DLG3: variants seen among roughly 807,000 people sequenced by gnomAD.
The protein encoded by DLG3 is disks large homolog 3.
DLG3 carries 1 observed loss-of-function variant against 64.1 expected under a neutral mutation model. That is an observed-to-expected ratio of 0.02 (90% confidence interval 0.01 to 0.07). The LOEUF (loss-of-function observed/expected upper bound fraction) is 0.07. Ranked by LOEUF, DLG3 falls within the 10% of genes least tolerant of loss-of-function variation. DLG3 has a pLI of 1.00. For missense variants in DLG3, 429 were observed against 669.5 expected, an observed-to-expected ratio of 0.64 and a Z score of 3.96; for synonymous variants, 245 against 259.8, an observed-to-expected ratio of 0.94 and a Z score of 0.55.
chrX:70,503,685 G>C lies in DLG3; in HGVS notation c.*1416G>C, dbSNP rs1176806894. 2 of 111,614 alleles carry C rather than the reference G, an allele frequency of 1.8e-5. No individual in the cohort carries two copies. The highest frequency in any genetic ancestry group is 1.9e-4 in the Admixed American group (2 of 10,502). 9.2% of individuals were successfully genotyped at this position (111,614 alleles called of 1,213,427 possible). On this transcript the variant is annotated 3_prime_UTR_variant, in exon 19 of 19. Coordinates refer to ENST00000374360, the MANE Select transcript of DLG3 (RefSeq NM_021120.4). ...TTATGGTTTCTTCAAGAGGAAAGTA[G>C]ACTTTATGCTGTACATTTGAGCTGT... is the stretch of plus-strand genomic sequence containing the variant.
chrX:70,466,531 C>T (rs1453285273), intron 9 of DLG3, among the ~76,000 whole-genome samples: 2 of 106,886 alleles, frequency 1.9e-5, no homozygotes, highest in East Asian at 2.9e-4. Context: ...CTTCGCTTCC[C>T]AGGTTCAAGC....
At chrX:70,448,456 C>G (rs1461143337) in intron 1 of DLG3, 2 of 551,139 alleles carry the variant, frequency 3.6e-6, no homozygotes, top group African/African-American at 4.7e-5. Flanking sequence ...CTATGATCCC[C>G]CAGTCAGGGA....
intron 10 of DLG3, 102 bp downstream of exon 10, chrX:70,479,366 CCAGTT>C: frequency 1.6e-6 from 1 of 634,830 alleles, no homozygotes. Flanking sequence ...GTATGTACTC[CCAGTT>C]CTAAAATAAC....
chrX:70,452,554 C>A, intron 7 of DLG3: 24 of 1,164,771 alleles, frequency 2.1e-5, no homozygotes, highest in Non-Finnish European at 2.8e-5. Flanking sequence ...GGGTGGGGCC[C>A]GAGAGGCTGG....
At chrX:70,452,547 T>C in intron 7 of DLG3, 1 of 1,161,790 alleles carries the variant, frequency 8.6e-7, no homozygotes, top group Non-Finnish European at 1.1e-6. Flanking sequence ...GTTTGCAGGG[T>C]GGGGCCCGAG....
chrX:70,462,195 C>G (rs937937725), intron 9 of DLG3, among the ~76,000 whole-genome samples: 5 of 104,836 alleles, frequency 4.8e-5, no homozygotes, highest in Non-Finnish European at 7.8e-5. Flanking sequence ...TTTCAAGATT[C>G]ATGTGTGTTA....
chrX:70,457,866 C>T (rs769812573), intron 9 of DLG3, among the ~76,000 whole-genome samples: 34 of 106,837 alleles, frequency 3.2e-4, no homozygotes, highest in Non-Finnish European at 4.8e-4. Context: ...CCACTGTGCC[C>T]GGCCTAAAAC....
intron 14 of DLG3, 55 bp from the exon 15 acceptor site, chrX:70,499,121 G>T: frequency 5.5e-6 from 5 of 915,155 alleles, no homozygotes; most frequent in Non-Finnish European, 7.9e-6. Context: ...TCAGGGGTAG[G>T]ACAGGCTGTC....
chrX:70,459,394 T>C (rs1284102135), intron 9 of DLG3, among the ~76,000 whole-genome samples: 2 of 112,679 alleles, frequency 1.8e-5, no homozygotes, highest in Non-Finnish European at 3.7e-5. Flanking sequence ...ATTTTCCCCA[T>C]AACATTTAAG....
chrX:70,480,638 G>T (rs1421597441), intron 10 of DLG3, among the ~76,000 whole-genome samples: 1 of 112,054 alleles, frequency 8.9e-6, no homozygotes, highest in Non-Finnish European at 1.9e-5. Flanking sequence ...GGATACTGGG[G>T]TGCTGATGGG....
intron 10 of DLG3, among the ~76,000 whole-genome samples, chrX:70,489,195 A>T (rs2087311228): frequency 1.8e-5 from 2 of 112,548 alleles, no homozygotes; most frequent in Non-Finnish European, 1.9e-5. Flanking sequence ...ACAATTCCCA[A>T]TGTGCAGAGT....
At chrX:70,447,688 G>A (rs1015107171) in intron 1 of DLG3, among the ~76,000 whole-genome samples, 9 of 112,358 alleles carry the variant, frequency 8.0e-5, no homozygotes, top group African/African-American at 2.9e-4. Flanking sequence ...GAGAAAGGTG[G>A]GGGAGGGGTG....
intron 9 of DLG3, among the ~76,000 whole-genome samples, chrX:70,456,762 T>C (rs1217002349): frequency 9.0e-6 from 1 of 111,313 alleles, no homozygotes; most frequent in Non-Finnish European, 1.9e-5. Flanking sequence ...TTTTTTTTTT[T>C]TCCCCTTTTG....
chrX:70,491,084 T>C (rs1230862502), intron 10 of DLG3, among the ~76,000 whole-genome samples: 1 of 111,028 alleles, frequency 9.0e-6, no homozygotes, highest in Non-Finnish European at 1.9e-5. Flanking sequence ...AGCTAATTTT[T>C]GTAGTTTTAG....
intron 9 of DLG3, among the ~76,000 whole-genome samples, chrX:70,469,461 A>C (rs1308821081): frequency 2.0e-5 from 2 of 97,950 alleles, no homozygotes; most frequent in African/African-American, 7.6e-5. Context: ...TTTTTTTTTT[A>C]AGATGGTGTC....
Position 70,497,370 on chromosome X carries a change from A to G in DLG3, c.1820-1150A>G, listed in dbSNP as rs149477121. On this transcript the variant is annotated intron_variant, in intron 13 of 18. Coordinates refer to ENST00000374360, the MANE Select transcript of DLG3 (RefSeq NM_021120.4). ...TTGAGATCCTAGAAATGCTGTGGCC[A>G]GTTCATTCTCCTTATGGGTTGGGGT... 1.5e-3 allele frequency: 933 copies of G among 628,337 alleles called. 5 individuals carry two copies. The African/African-American group carries it at 0.018, about 12-fold the overall frequency. 51.8% of individuals were successfully genotyped at this position (628,337 alleles called of 1,213,427 possible).
intron 9 of DLG3, among the ~76,000 whole-genome samples, chrX:70,460,805 A>G (rs1311384932): frequency 9.0e-6 from 1 of 111,483 alleles, no homozygotes; most frequent in African/African-American, 3.3e-5. Context: ...GATTTGCCCA[A>G]TCTGGACATT....
chrX:70,449,505 G>C, intron 3 of DLG3, 22 bp downstream of exon 3: 5 of 1,197,508 alleles, frequency 4.2e-6, no homozygotes, highest in Non-Finnish European at 5.6e-6. Flanking sequence ...TGGAAGCAGG[G>C]TTGTGGGTGG....
intron 10 of DLG3, among the ~76,000 whole-genome samples, chrX:70,484,763 C>G (rs1169253699): frequency 9.0e-6 from 1 of 111,576 alleles, no homozygotes; most frequent in Non-Finnish European, 1.9e-5. Context: ...GAATGCCTCT[C>G]CAACATCATA....
Sources: gnomAD v4.1 joint callset for allele counts (sites outside exome capture counted in the v4.1 genomes callset) on GRCh38, gnomAD v4.1.1 for gene constraint, MANE v1.5 for transcripts, NCBI Gene and HGNC (gene_info 2026-07-23, HGNC 2026-07-21) for gene names.